NISCH: variants seen among roughly 807,000 people sequenced by gnomAD.
The protein encoded by NISCH is I-1 receptor candidate protein.
Under a neutral mutation model 138.4 loss-of-function variants are expected in NISCH, and 55 were observed. The observed-to-expected ratio is 0.40, with a 90% CI of 0.32 to 0.50. NISCH has a LOEUF of 0.50. Among genes scored for constraint, NISCH ranks in the 20% least tolerant of loss-of-function variants. The pLI is 0.71. For synonymous variants in NISCH, 860 were observed against 861.5 expected, an observed-to-expected ratio of 1.00 and a Z score of 0.03; for missense variants, 1,643 against 2,005.5, an observed-to-expected ratio of 0.82 and a Z score of 3.45.
rs1188990881 is a variant in NISCH, at chr3:52,487,555, T to C, written c.2063T>C (p.Leu688Pro). Residue 688 changes from leucine (L) to proline (P), a missense_variant, in exon 16 of 21, where the codon CTG becomes CCG. Coordinates refer to ENST00000345716, the MANE Select transcript of NISCH (RefSeq NM_007184.4). The surrounding 1 kb of genome is among the most constrained non-coding windows in gnomAD (Gnocchi z 9.1). ...EEDEEAEEER[L>P]ALEWALGADE... Reference sequence around the variant, plus strand: ...GATGAAGAGGCCGAGGAGGAGCGCCTGGCTCTGGAATGGGCCCTGGGCGCG... The same window carrying C: ...GATGAAGAGGCCGAGGAGGAGCGCCCGGCTCTGGAATGGGCCCTGGGCGCG... 6.2e-7 allele frequency: 1 copy of C among 1,610,702 alleles called. No homozygotes were observed. The highest frequency in any genetic ancestry group is 8.5e-7 in the Non-Finnish European group (1 of 1,177,498).
intron 15 of NISCH, 22 bp downstream of exon 15, chr3:52,485,849 G>A (rs1707389105): frequency 6.4e-7 from 1 of 1,567,778 alleles, no homozygotes; most frequent in Non-Finnish European, 8.7e-7. Context: ...GTTGGAAAGG[G>A]ACCTGGGCCT....
chr3:52,456,966 G>A (rs1355575737), intron 1 of NISCH, among the ~76,000 whole-genome samples: 3 of 152,184 alleles, frequency 2.0e-5, no homozygotes, highest in Non-Finnish European at 1.5e-5. Context: ...CATGTATGTC[G>A]GGGGAGGTGG....
At chr3:52,473,584 G>C (rs770557759) in intron 6 of NISCH, 150 bp from the exon 7 acceptor site, 16 of 530,594 alleles carry the variant, frequency 3.0e-5, no homozygotes, top group Non-Finnish European at 5.5e-5. Context: ...CTGGGAAAAA[G>C]AGACACTTTG....
rs1559639716 is a variant in NISCH, at chr3:52,484,569, C to G, written c.1585C>G (p.Leu529Val). 1.2e-6 allele frequency: 2 copies of G among 1,612,880 alleles called. No individual in the cohort carries two copies. Among genetic ancestry groups the G allele is most frequent in the Non-Finnish European group, 1.7e-6 (2 of 1,179,586 alleles). ...CAGCAGCCTCTCGTCCACTGACAGTCTGACTCCCGAGCACCAGCCCATTGC... is the reference window on the plus strand; with the variant it reads ...CAGCAGCCTCTCGTCCACTGACAGTGTGACTCCCGAGCACCAGCCCATTGC... ...LASSLSSTDS[L>V]TPEHQPIAQG... The change falls in exon 14 of 21, where the codon CTG becomes GTG. Residue 529 changes from leucine (L) to valine (V), a missense_variant. Transcript: ENST00000345716.
Position 52,476,607 on chromosome 3 carries a change from C to G in NISCH, c.918+8C>G. 6.2e-7 allele frequency: 1 copy of G among 1,613,924 alleles called. No homozygotes were observed. The highest frequency in any genetic ancestry group is 1.1e-5 in the South Asian group (1 of 91,072). On this transcript the variant is annotated splice_region_variant and intron_variant, in intron 8 of 20. Coordinates refer to ENST00000345716, the MANE Select transcript of NISCH (RefSeq NM_007184.4). ...GAGATCGACGAGTCTGTGGTATGCT[C>G]TCAGCAGCAGGTGCCAGGGGTTTCT... is the stretch of plus-strand genomic sequence containing the variant.
chr3:52,491,057 G>A (rs1178712531), intron 19 of NISCH, among the ~76,000 whole-genome samples: 2 of 152,258 alleles, frequency 1.3e-5, no homozygotes, highest in Non-Finnish European at 2.9e-5. Context: ...GCGCTGGCCC[G>A]GACAGAAGCA....
At position 52,492,404 on chromosome 3, in the gene NISCH, A is replaced by G. The variant is rs1182794630; in HGVS notation, c.4437A>G (p.Arg1479=). The G allele has an allele frequency of 1.2e-6, 2 of 1,612,972 alleles. No homozygotes were observed. Among genetic ancestry groups the G allele is most frequent in the Non-Finnish European group, 1.7e-6 (2 of 1,179,994 alleles). ...WQVFVPSAES[R]EKLISLLARQ... ...TGTTTGTCCCCAGTGCTGAGAGCAG[A>G]GAGAAGCTCATCTCGCTGTTGGCTC... Residue 1479 remains arginine (R), a synonymous_variant, in exon 21 of 21, where the codon AGA becomes AGG. Coordinates refer to ENST00000345716, the MANE Select transcript of NISCH (RefSeq NM_007184.4).
chr3:52,463,002 A>T (rs1157187600), intron 3 of NISCH, among the ~76,000 whole-genome samples: 1 of 152,188 alleles, frequency 6.6e-6, no homozygotes, highest in Non-Finnish European at 1.5e-5. Flanking sequence ...TAATGTGTAC[A>T]ATTCAGTAGT....
intron 1 of NISCH, among the ~76,000 whole-genome samples, chr3:52,456,068 G>A (rs1313511125): frequency 6.6e-6 from 1 of 152,114 alleles, no homozygotes; most frequent in African/African-American, 2.4e-5. Context: ...TCTAGGACTG[G>A]AGGGGCCCCG....
intron 7 of NISCH, among the ~76,000 whole-genome samples, chr3:52,474,240 A>G (rs1489721223): frequency 1.3e-5 from 2 of 152,186 alleles, no homozygotes; most frequent in Admixed American, 6.5e-5. Context: ...CAGCCTCCCA[A>G]GTAGCTGGGA....
At chr3:52,475,767 C>G (rs934833739) in intron 7 of NISCH, 3 of 152,324 alleles carry the variant, frequency 2.0e-5, no homozygotes, top group African/African-American at 7.2e-5. Flanking sequence ...TTGCTTGTGC[C>G]TGCGAGTTTG....
chr3:52,487,213 C>T lies in NISCH; in HGVS notation c.1721C>T (p.Pro574Leu), dbSNP rs546449285. 31 of 1,613,876 alleles carry T rather than the reference C, an allele frequency of 1.9e-5. No individual in the cohort carries two copies. Among genetic ancestry groups the T allele is most frequent in the Middle Eastern group, 1.7e-4 (1 of 6,060 alleles). ...CTGCACAGCCCAGAACATGCCGAGCCGGAGGTCCAGGTGGTGCCGGGGTCT... is the reference window on the plus strand; with the variant it reads ...CTGCACAGCCCAGAACATGCCGAGCTGGAGGTCCAGGTGGTGCCGGGGTCT... ...VGGASPEHAE[P>L]EVQVVPGSGQ... The change falls in exon 16 of 21, where the codon CCG becomes CTG. Residue 574 changes from proline to leucine, a missense_variant. Transcript: ENST00000345716. This position sits in a 1 kb window ranked among gnomAD's most constrained non-coding sequence, Gnocchi z 9.1.
chr3:52,465,134 T>C (rs950601822), intron 3 of NISCH, among the ~76,000 whole-genome samples: 2 of 152,174 alleles, frequency 1.3e-5, no homozygotes, highest in Non-Finnish European at 2.9e-5. Context: ...CTGTATGGAT[T>C]TTGTTTGTTT....
In NISCH at chr3:52,491,888, C is replaced by T. The variant is rs763581021; in HGVS notation, c.3921C>T (p.Tyr1307=). The T allele has an allele frequency of 2.8e-5, 44 of 1,596,786 alleles. No homozygotes were observed. The highest frequency in any genetic ancestry group is 1.9e-4 in the South Asian group (17 of 89,090). Residue 1307 remains tyrosine (Y), a synonymous_variant, in exon 21 of 21, where the codon TAC becomes TAT. Coordinates refer to ENST00000345716, the MANE Select transcript of NISCH (RefSeq NM_007184.4). ...TCTCTGCAGGGAAGATGGAGAACTA[C>T]GAGCTGATCCACTCTAGTCGCGTCA... ...GNKTTGKMEN[Y]ELIHSSRVKF...
chr3:52,455,909 G>T (rs568105203), intron 1 of NISCH, among the ~76,000 whole-genome samples, 175 bp downstream of exon 1: 5 of 151,670 alleles, frequency 3.3e-5, no homozygotes, highest in Non-Finnish European at 7.4e-5. Context: ...GGCCCCGCAG[G>T]TCCGGGAGAA....
In NISCH at chr3:52,487,396, A is replaced by G. The variant is rs535688434; in HGVS notation, c.1904A>G (p.Gln635Arg). Residue 635 changes from glutamine to arginine, a missense_variant, in exon 16 of 21, where the codon CAG becomes CGG. Physicochemically the swap from Gln to Arg is conservative, Grantham distance 43. Transcript: ENST00000345716. The surrounding 1 kb of genome is among the most constrained non-coding windows in gnomAD (Gnocchi z 9.1). ...ANQREEGQGE[Q>R]GEEEDEEEEE... is the part of the protein sequence containing the mutation. Reference sequence around the variant, plus strand: ...CAGCGGGAGGAGGGCCAGGGTGAACAGGGCGAGGAGGAGGATGAGGAGGAG... The same window carrying G: ...CAGCGGGAGGAGGGCCAGGGTGAACGGGGCGAGGAGGAGGATGAGGAGGAG... 362 of 1,613,714 alleles carry G rather than the reference A, an allele frequency of 2.2e-4. 2 individuals carry two copies. The South Asian group carries it at 3.8e-3, about 17-fold the overall frequency.
At chr3:52,468,375 G>A (rs2153230969) in intron 3 of NISCH, among the ~76,000 whole-genome samples, 1 of 152,312 alleles carries the variant, frequency 6.6e-6, no homozygotes, top group Middle Eastern at 3.4e-3. Flanking sequence ...AGCTATTCTT[G>A]GGGAATTGAG....
In NISCH at chr3:52,483,400, C is replaced by T. The variant is rs115106118; in HGVS notation, c.1529-1113C>T. Among the ~76,000 whole-genome samples, 541 of 152,316 alleles carry T rather than the reference C, an allele frequency of 3.6e-3. 2 individuals are homozygous for T. Among genetic ancestry groups the T allele is most frequent in the African/African-American group, 0.011 (462 of 41,570 alleles). On this transcript the variant is annotated intron_variant, in intron 13 of 20. Coordinates refer to ENST00000345716, the MANE Select transcript of NISCH (RefSeq NM_007184.4). The stretch of plus-strand genomic sequence containing the variant: ...CTCCTGTAGGCCTCAGTGAGACTGG[C>T]GGCCGATGCCCAGTGTTCACCCTGC...
intron 6 of NISCH, 97 bp downstream of exon 6, chr3:52,472,495 T>C: frequency 1.8e-6 from 2 of 1,117,670 alleles, no homozygotes; most frequent in Non-Finnish European, 2.7e-6. Context: ...TAAGGTGCTG[T>C]GCTTTCGTGT....
Sources: allele counts gnomAD v4.1 joint callset (sites outside exome capture counted in the v4.1 genomes callset), GRCh38; gene constraint gnomAD v4.1.1; non-coding constraint Gnocchi (gnomAD v3.1); transcripts MANE v1.5; gene names NCBI Gene and HGNC (gene_info 2026-07-23, HGNC 2026-07-21).